The following MTSS1 variants were observed in gnomAD, a reference collection of about 807,000 sequenced individuals.
The protein encoded by MTSS1 is MTSS I-BAR domain containing 1, also known as protein MTSS 1.
A neutral mutation model predicts 79.0 loss-of-function variants in MTSS1; 18 were observed. The observed-to-expected ratio is 0.23, with a 90% CI of 0.16 to 0.34. MTSS1 has a LOEUF of 0.34. MTSS1 is among the 10% of genes least tolerant of loss of function. The pLI, the probability that MTSS1 is intolerant of heterozygous loss-of-function variation, is 1.00. For missense variants in MTSS1, 815 were observed against 986.2 expected, an observed-to-expected ratio of 0.83 and a Z score of 2.33; for synonymous variants, 341 against 368.6, an observed-to-expected ratio of 0.93 and a Z score of 0.86.
chr8:124,566,451 A>T (rs192314728), intron 8 of MTSS1, among the ~76,000 whole-genome samples: 2 of 152,352 alleles, frequency 1.3e-5, no homozygotes, highest in African/African-American at 4.8e-5. Context: ...CAAGGAGACG[A>T]AAAGATTGTT....
chr8:124,655,505 C>T (rs1437627792), intron 3 of MTSS1, among the ~76,000 whole-genome samples: 1 of 152,184 alleles, frequency 6.6e-6, no homozygotes, highest in Non-Finnish European at 1.5e-5. Context: ...GATCAGAATC[C>T]ATACGACTCA....
chr8:124,601,373 T>C (rs1833787110), intron 3 of MTSS1, among the ~76,000 whole-genome samples: 1 of 152,136 alleles, frequency 6.6e-6, no homozygotes, highest in African/African-American at 2.4e-5. Context: ...CCTTGACTGT[T>C]AATTTTTATA....
intron 3 of MTSS1, among the ~76,000 whole-genome samples, chr8:124,697,674 A>G (rs1378512613): frequency 6.6e-6 from 1 of 152,240 alleles, no homozygotes; most frequent in Non-Finnish European, 1.5e-5. Flanking sequence ...AGTAGAAGAA[A>G]ATATAAAATG....
rs183515180 is a variant in MTSS1, at chr8:124,724,336, T to C, written c.72+3548A>G. Among the ~76,000 whole-genome samples, 33 of 151,986 alleles carry C rather than the reference T, an allele frequency of 2.2e-4. No individual in the cohort carries two copies. In the East Asian group the frequency reaches 6.2e-3, roughly 29 times the overall value. ...AGAGGATAGTGATGGCAAACACAGG[T>C]GGGGGGCGGTGGGGAGGAACTGAAC... On this transcript the variant is annotated intron_variant, in intron 1 of 13. Coordinates refer to ENST00000518547, the MANE Select transcript of MTSS1 (RefSeq NM_014751.6).
intron 6 of MTSS1, chr8:124,568,829 C>T: frequency 6.9e-7 from 1 of 1,439,216 alleles, no homozygotes; most frequent in Non-Finnish European, 9.1e-7. Context: ...ACCAACTCTT[C>T]TGCCAACACA....
intron 3 of MTSS1, among the ~76,000 whole-genome samples, chr8:124,682,594 A>G (rs1293511947): frequency 2.0e-5 from 3 of 152,240 alleles, no homozygotes; most frequent in African/African-American, 4.8e-5. Flanking sequence ...ACAGGAGGCT[A>G]AAGTGGCCGG....
intron 9 of MTSS1, chr8:124,564,722 C>CACACACACACACACACA (rs1563758680): frequency 6.6e-6 from 1 of 150,716 alleles, no homozygotes; most frequent in Non-Finnish European, 1.5e-5. Flanking sequence ...CACACACAGT[C>CACACACACACACACACA]GACAGAAGAT....
chr8:124,703,108 C>A (rs1829929914), intron 2 of MTSS1, among the ~76,000 whole-genome samples: 1 of 152,004 alleles, frequency 6.6e-6, no homozygotes, highest in African/African-American at 2.4e-5. Flanking sequence ...ACAATCATCA[C>A]CGCAATCCAA....
chr8:124,602,897 C>T (rs1020815301), intron 3 of MTSS1, among the ~76,000 whole-genome samples: 1 of 152,212 alleles, frequency 6.6e-6, no homozygotes, highest in African/African-American at 2.4e-5. Context: ...GAGACAGCCG[C>T]CTGCCCCCAT....
intron 9 of MTSS1, 150 bp downstream of exon 9, chr8:124,565,512 C>T (rs1264223891): frequency 1.5e-6 from 1 of 682,942 alleles, no homozygotes; most frequent in South Asian, 2.2e-5. Flanking sequence ...AAGAGCAAGA[C>T]CAAAATTATT....
At chr8:124,720,033 G>A (rs983416347) in intron 1 of MTSS1, among the ~76,000 whole-genome samples, 2 of 152,214 alleles carry the variant, frequency 1.3e-5, no homozygotes, top group African/African-American at 4.8e-5. Flanking sequence ...TCAATACTAG[G>A]TAGAATGTCA....
intron 3 of MTSS1, among the ~76,000 whole-genome samples, chr8:124,617,921 A>G (rs1003937838): frequency 1.3e-5 from 2 of 152,196 alleles, no homozygotes; most frequent in African/African-American, 4.8e-5. Flanking sequence ...CACTTCCAAG[A>G]GGTGGCCTGG....
chr8:124,691,223 A>C (rs1294287881), intron 3 of MTSS1, among the ~76,000 whole-genome samples: 2 of 121,338 alleles, frequency 1.6e-5, no homozygotes, highest in Admixed American at 1.7e-4. Flanking sequence ...AACCCATTTA[A>C]AACAATATTT....
intron 3 of MTSS1, among the ~76,000 whole-genome samples, chr8:124,602,856 C>T (rs1490931216): frequency 6.6e-6 from 1 of 152,116 alleles, no homozygotes; most frequent in Non-Finnish European, 1.5e-5. Context: ...GGAAATGTTA[C>T]CTTGGTCTAA....
chr8:124,584,929 A>C (rs549087023), intron 6 of MTSS1, among the ~76,000 whole-genome samples, 158 bp downstream of exon 6: 2 of 152,328 alleles, frequency 1.3e-5, no homozygotes, highest in East Asian at 1.9e-4. Context: ...CCTATTCTGC[A>C]CTTTGAGAAT....
intron 1 of MTSS1, among the ~76,000 whole-genome samples, chr8:124,712,518 C>T (rs993949090): frequency 2.0e-5 from 3 of 152,162 alleles, no homozygotes; most frequent in Non-Finnish European, 2.9e-5. Flanking sequence ...CCCATGAATG[C>T]CTGTCATAGC....
chr8:124,643,091 T>A (rs1818353717), intron 3 of MTSS1, among the ~76,000 whole-genome samples: 1 of 152,136 alleles, frequency 6.6e-6, no homozygotes, highest in African/African-American at 2.4e-5. Context: ...CTTTGATCAA[T>A]AAAATTTGGC....
At chr8:124,708,180 A>G (rs1490496720) in intron 1 of MTSS1, among the ~76,000 whole-genome samples, 1 of 152,228 alleles carries the variant, frequency 6.6e-6, no homozygotes, top group Non-Finnish European at 1.5e-5. Context: ...CCCATTTGCT[A>G]TGCGACACTG....
At chr8:124,692,804 G>A (rs942545154) in intron 3 of MTSS1, among the ~76,000 whole-genome samples, 3 of 152,128 alleles carry the variant, frequency 2.0e-5, no homozygotes, top group Non-Finnish European at 2.9e-5. Flanking sequence ...CATGAGGGCT[G>A]CATAAAAGTG....
Sources: allele counts gnomAD v4.1 joint callset (sites outside exome capture counted in the v4.1 genomes callset), GRCh38; gene constraint gnomAD v4.1.1; transcripts MANE v1.5; gene names NCBI Gene and HGNC (gene_info 2026-07-23, HGNC 2026-07-21).